The following ASS1 variants were observed in gnomAD, a reference collection of about 807,000 sequenced individuals.
ASS1 encodes the protein argininosuccinate synthase.
ASS1 carries 58 observed loss-of-function variants against 60.5 expected under a neutral mutation model. That is an observed-to-expected ratio of 0.96 (90% CI 0.78 to 1.19). The LOEUF is 1.19. ASS1 is among the 50% of genes most tolerant of loss of function. The pLI is 0.00. For synonymous variants in ASS1, 200 were observed against 206.9 expected (o/e 0.97, Z 0.29); for missense variants, 454 against 547.3 (o/e 0.83, Z 1.70).
intron 6 of ASS1, 133 bp downstream of exon 6, chr9:130,466,932 C>A: frequency 9.7e-7 from 1 of 1,033,382 alleles, no homozygotes; most frequent in Non-Finnish European, 1.5e-6. Flanking sequence ...TGAACTTCCA[C>A]CCCAGCTGCC....
intron 3 of ASS1, among the ~76,000 whole-genome samples, chr9:130,456,067 GCTTTT>G (rs1845443196): frequency 6.6e-6 from 1 of 152,260 alleles, no homozygotes. Context: ...CACGGCTTCA[GCTTTT>G]GTCCTTTATT....
chr9:130,458,066 G>A (rs1845489260), intron 3 of ASS1, among the ~76,000 whole-genome samples: 1 of 152,000 alleles, frequency 6.6e-6, no homozygotes, highest in Admixed American at 6.6e-5. Flanking sequence ...GGCTGAGGCA[G>A]GGGAGTTGCT....
chr9:130,463,299 T>C (rs1374800150), intron 4 of ASS1, among the ~76,000 whole-genome samples: 1 of 152,250 alleles, frequency 6.6e-6, no homozygotes, highest in Non-Finnish European at 1.5e-5. Flanking sequence ...AGAGCTGGGC[T>C]GGCGGATGCC....
At chr9:130,499,064 C>T (rs879308991) in intron 13 of ASS1, among the ~76,000 whole-genome samples, 29 of 152,140 alleles carry the variant, frequency 1.9e-4, no homozygotes, top group Non-Finnish European at 3.2e-4. Context: ...CTGCAGCTTG[C>T]GAAATGCCCT....
chr9:130,467,434 G>T (rs1021250664), intron 6 of ASS1, among the ~76,000 whole-genome samples: 1 of 152,126 alleles, frequency 6.6e-6, no homozygotes, highest in Non-Finnish European at 1.5e-5. Flanking sequence ...CAATCAATCA[G>T]GCCGGGGAAA....
chr9:130,479,705 T>C lies in ASS1; in HGVS notation c.689-11T>C. On this transcript the variant is annotated splice_polypyrimidine_tract_variant and intron_variant, in intron 9 of 14. Coordinates refer to ENST00000352480, the MANE Select transcript of ASS1 (RefSeq NM_054012.4). ...GGCCCAGAGGCCCACTGCCCTCTCT[T>C]CCCACCCTAGGGGTCCCTGTGAAGG... The C allele has an allele frequency of 6.2e-7, 1 of 1,611,980 alleles. No individual in the cohort carries two copies. The highest frequency in any genetic ancestry group is 8.5e-7 in the Non-Finnish European group (1 of 1,178,160).
chr9:130,462,018 A>G (rs1226477160), intron 4 of ASS1, among the ~76,000 whole-genome samples: 1 of 152,098 alleles, frequency 6.6e-6, no homozygotes, highest in Non-Finnish European at 1.5e-5. Flanking sequence ...CTCCCTTCCC[A>G]GCACCCCGTC....
At chr9:130,495,866 T>A (rs1321422334) in intron 13 of ASS1, among the ~76,000 whole-genome samples, 1 of 152,018 alleles carries the variant, frequency 6.6e-6, no homozygotes, top group Non-Finnish European at 1.5e-5. Flanking sequence ...ATCACCCTGG[T>A]GTCTGGGGTC....
Position 130,452,270 on chromosome 9 carries a change from C to A in ASS1, c.42C>A (p.Gly14=), listed in dbSNP as rs1845345426. 1 of 1,614,038 alleles carries A rather than the reference C, an allele frequency of 6.2e-7. No individual in the cohort carries two copies. Among genetic ancestry groups the A allele is most frequent in the Non-Finnish European group, 8.5e-7 (1 of 1,180,024 alleles). Reference sequence around the variant, plus strand: ...CCGTGGTTCTGGCCTACAGTGGCGGCCTGGACACCTCGTGCATCCTCGTGT... The same window carrying A: ...CCGTGGTTCTGGCCTACAGTGGCGGACTGGACACCTCGTGCATCCTCGTGT... ...KGSVVLAYSG[G]LDTSCILVWL... The change falls in exon 2 of 15, where the codon GGC becomes GGA. Residue 14 remains glycine, a synonymous_variant. Coordinates refer to ENST00000352480, the MANE Select transcript of ASS1 (RefSeq NM_054012.4).
intron 4 of ASS1, among the ~76,000 whole-genome samples, chr9:130,461,772 G>A (rs1003918695): frequency 7.9e-5 from 12 of 152,196 alleles, no homozygotes; most frequent in Non-Finnish European, 1.5e-4. Flanking sequence ...CCAGCCTTCA[G>A]GCATTTACCC....
At chr9:130,490,308 T>C (rs1209594786) in intron 12 of ASS1, among the ~76,000 whole-genome samples, 1 of 152,056 alleles carries the variant, frequency 6.6e-6, no homozygotes, top group Non-Finnish European at 1.5e-5. Flanking sequence ...TTTTATTTTA[T>C]TTATTTATTT....
intron 1 of ASS1, among the ~76,000 whole-genome samples, chr9:130,448,786 A>G (rs1265695012): frequency 1.3e-5 from 2 of 151,918 alleles, no homozygotes. Flanking sequence ...CTGGTCTGGA[A>G]CTCCTGACCT....
intron 11 of ASS1, among the ~76,000 whole-genome samples, chr9:130,484,338 T>C (rs506626): frequency 0.98 from 148,841 of 152,238 alleles, 72,841 homozygotes; most frequent in Middle Eastern, 1. Context: ...CAGGGACAGA[T>C]GAGAAGAATT....
At chr9:130,461,862 G>A (rs1215980) in intron 4 of ASS1, among the ~76,000 whole-genome samples, 100,287 of 152,072 alleles carry the variant, frequency 0.66, 37,083 homozygotes, top group East Asian at 0.96. Context: ...GGACGGGCCA[G>A]GTGGAGGCTT....
At chr9:130,471,005 C>T in intron 7 of ASS1, 101 bp downstream of exon 7, 1 of 1,370,568 alleles carries the variant, frequency 7.3e-7, no homozygotes, top group Non-Finnish European at 1.0e-6. Flanking sequence ...CACCAGTGGT[C>T]CCTGCCCTCG....
At chr9:130,473,717 G>A (rs571555997) in intron 8 of ASS1, among the ~76,000 whole-genome samples, 27 of 152,306 alleles carry the variant, frequency 1.8e-4, no homozygotes, top group Non-Finnish European at 1.2e-4. Context: ...GGAGACCTGC[G>A]GAAGGGAGGG....
At chr9:130,464,977 T>C (rs1358257999) in intron 5 of ASS1, among the ~76,000 whole-genome samples, 2 of 148,432 alleles carry the variant, frequency 1.3e-5, no homozygotes, top group Non-Finnish European at 3.0e-5. Context: ...CTAGTAGCCA[T>C]ATATATAATA....
At chr9:130,454,601 C>G (rs751927752) in intron 3 of ASS1, among the ~76,000 whole-genome samples, 1 of 152,172 alleles carries the variant, frequency 6.6e-6, no homozygotes, top group Non-Finnish European at 1.5e-5. Flanking sequence ...TCTTCCCCAC[C>G]CACATACCTT....
At chr9:130,496,224 C>A (rs1210200783) in intron 13 of ASS1, among the ~76,000 whole-genome samples, 4 of 151,382 alleles carry the variant, frequency 2.6e-5, no homozygotes, top group African/African-American at 9.7e-5. Flanking sequence ...AGTTCAAGAC[C>A]AGCCTGGGCA....
Sources: gnomAD v4.1 joint callset for allele counts (sites outside exome capture counted in the v4.1 genomes callset) on GRCh38, gnomAD v4.1.1 for gene constraint, MANE v1.5 for transcripts, NCBI Gene and HGNC (gene_info 2026-07-23, HGNC 2026-07-21) for gene names.